The following PLAA variants were observed in gnomAD, a reference collection of about 807,000 sequenced individuals.
The protein encoded by PLAA is phospholipase A-2-activating protein.
Under a neutral mutation model 84.1 loss-of-function variants are expected in PLAA, and 48 were observed. The observed-to-expected ratio is 0.57, with a 90% confidence interval of 0.45 to 0.73. The LOEUF (loss-of-function observed/expected upper bound fraction) is 0.73, where lower values mean the gene tolerates loss of function less well. Among genes scored for constraint, PLAA ranks in the 30% least tolerant of loss-of-function variants. The probability of loss-of-function intolerance (pLI) is 0.00; values close to 1 mark genes in which losing one functional copy is unlikely to be tolerated. For missense variants in PLAA, 903 were observed against 954.7 expected, an observed-to-expected ratio of 0.95 and a Z score of 0.71; for synonymous variants, 392 against 336.6, an observed-to-expected ratio of 1.16 and a Z score of -1.80.
intron 10 of PLAA, among the ~76,000 whole-genome samples, chr9:26,914,339 G>A (rs1453438741): frequency 6.6e-6 from 1 of 152,076 alleles, no homozygotes; most frequent in Non-Finnish European, 1.5e-5. Flanking sequence ...CAACAGCCCA[G>A]TCACATTTTA....
intron 10 of PLAA, chr9:26,916,584 T>A (rs1463103443): frequency 1.0e-6 from 1 of 987,028 alleles, no homozygotes; most frequent in Non-Finnish European, 1.2e-6. Context: ...TGGGGAGACT[T>A]CTTGATTGTA....
chr9:26,929,183 C>T lies in PLAA; in HGVS notation c.344-775G>A, dbSNP rs149600169. Among the ~76,000 whole-genome samples, 31 of 151,840 alleles carry T rather than the reference C, an allele frequency of 2.0e-4. No individual in the cohort carries two copies. The South Asian group carries it at 6.2e-3, about 31-fold the overall frequency. ...ACCACTGCACTTCACGCCTGGGTGA[C>T]ACAGCAAGATTCTGTCTTTAAAAAA... On this transcript the variant is annotated intron_variant, in intron 2 of 13. Coordinates refer to ENST00000397292, the MANE Select transcript of PLAA (RefSeq NM_001031689.3).
At chr9:26,918,111 A>T (rs544986902) in intron 9 of PLAA, among the ~76,000 whole-genome samples, 70 of 149,794 alleles carry the variant, frequency 4.7e-4, no homozygotes, top group South Asian at 3.5e-3. Flanking sequence ...AATTTTTTTT[A>T]AAATTTTTTG....
At chr9:26,912,046 A>G (rs1236706993) in intron 11 of PLAA, among the ~76,000 whole-genome samples, 1 of 152,208 alleles carries the variant, frequency 6.6e-6, no homozygotes, top group Non-Finnish European at 1.5e-5. Context: ...TATCATCCAA[A>G]TAAGTATAAT....
intron 11 of PLAA, among the ~76,000 whole-genome samples, chr9:26,913,498 A>G (rs1824456968): frequency 6.6e-6 from 1 of 152,238 alleles, no homozygotes; most frequent in African/African-American, 2.4e-5. Flanking sequence ...GATGAGAATA[A>G]ACACAGACTT....
rs1824715798 is a variant in PLAA, at chr9:26,920,222, C to T, written c.1197+5G>A. On this transcript the variant is annotated splice_donor_5th_base_variant and intron_variant, in intron 8 of 13. Coordinates refer to ENST00000397292, the MANE Select transcript of PLAA (RefSeq NM_001031689.3). ...ATAGTAATTAGAAAGTAGAAGTCGA[C>T]ATACTTTCCCTTCATATAAAACTTT... The T allele has an allele frequency of 6.2e-7, 1 of 1,610,536 alleles. No homozygotes were observed. Among genetic ancestry groups the T allele is most frequent in the Non-Finnish European group, 8.5e-7 (1 of 1,177,150 alleles).
intron 1 of PLAA, among the ~76,000 whole-genome samples, chr9:26,939,783 A>G (rs1164708770): frequency 6.6e-6 from 1 of 152,040 alleles, no homozygotes; most frequent in African/African-American, 2.4e-5. Context: ...ACCTTAAATC[A>G]AAAAAAGAAA....
At chr9:26,940,079 C>T (rs1825484011) in intron 1 of PLAA, among the ~76,000 whole-genome samples, 1 of 152,044 alleles carries the variant, frequency 6.6e-6, no homozygotes, top group African/African-American at 2.4e-5. Context: ...AAGACACCTG[C>T]TACAGAAAAA....
rs780024541 is a variant in PLAA, at chr9:26,935,172, T to C, written c.184A>G (p.Ser62Gly). The change falls in exon 2 of 14, where the codon AGT (serine) becomes GGT (glycine). Residue 62 changes from serine (S) to glycine (G), a missense_variant. By Grantham distance (56) the Ser-to-Gly change is moderately conservative. Coordinates refer to ENST00000397292, the MANE Select transcript of PLAA (RefSeq NM_001031689.3). ...NRSFTEMHCM[S>G]GHSNFVSCVC... is the part of the protein sequence containing the mutation. ...CAAGATACAAAATTGGAATGGCCAC[T>C]CATACAGTGCATTTCTGTAAAGCTC... is the stretch of plus-strand genomic sequence containing the variant. 3.8e-6 allele frequency: 6 copies of C among 1,594,480 alleles called. No individual in the cohort carries two copies. The highest frequency in any genetic ancestry group is 3.5e-5 in the South Asian group (3 of 86,524).
intron 9 of PLAA, 50 bp downstream of exon 9, chr9:26,919,256 AAATC>A (rs1824673826): frequency 8.8e-7 from 1 of 1,130,020 alleles, no homozygotes; most frequent in East Asian, 2.4e-5. Context: ...AACATCAAAA[AAATC>A]AATCAACACT....
At chr9:26,929,142 T>C (rs1231977551) in intron 2 of PLAA, among the ~76,000 whole-genome samples, 1 of 152,052 alleles carries the variant, frequency 6.6e-6, no homozygotes, top group African/African-American at 2.4e-5. Context: ...GAGGTTGCAG[T>C]GAGCTGTGAT....
chr9:26,928,068 G>A (rs1825036598), intron 4 of PLAA, 32 bp downstream of exon 4: 2 of 1,571,988 alleles, frequency 1.3e-6, no homozygotes, highest in African/African-American at 2.8e-5. Flanking sequence ...AAAAAGCAAT[G>A]ATATTATAAA....
chr9:26,937,103 C>T (rs959095838), intron 1 of PLAA, among the ~76,000 whole-genome samples: 2 of 151,902 alleles, frequency 1.3e-5, no homozygotes, highest in East Asian at 1.9e-4. Flanking sequence ...ATTGCGCCAT[C>T]GCACTCCAGC....
rs370728877 is a variant in PLAA at position 26,923,305 on chromosome 9, T to C, written c.912A>G (p.Thr304=). The C allele has an allele frequency of 1.5e-4, 245 of 1,613,374 alleles. No individual in the cohort carries two copies. Among genetic ancestry groups the C allele is most frequent in the Middle Eastern group, 1.6e-4 (1 of 6,082 alleles). The change falls in exon 7 of 14, where the codon ACA becomes ACG. Residue 304 remains threonine (T), a synonymous_variant. Coordinates refer to ENST00000397292, the MANE Select transcript of PLAA (RefSeq NM_001031689.3). ...IRVFTESEDR[T]ASAEEIKAFE... ...AAGCCTTGATTTCTTCAGCACTTGC[T>C]GTTCGATCTTCTGATTCTGTAAACA...
Position 26,947,003 on chromosome 9 carries a change from G to A in PLAA, c.43C>T (p.Arg15Trp), listed in dbSNP as rs1204957198. The A allele has an allele frequency of 1.3e-6, 2 of 1,594,002 alleles. No individual in the cohort carries two copies. Among genetic ancestry groups the A allele is most frequent in the Non-Finnish European group, 1.7e-6 (2 of 1,171,082 alleles). The change falls in exon 1 of 14, where the codon CGG (arginine) becomes TGG (tryptophan). Residue 15 changes from arginine (R) to tryptophan (W), a missense_variant. Transcript: ENST00000397292. ...CCCCGTACGTCCAGCTCGTGGCCCCGGAGCGAGCAGCTCAGCCGGTACCTG... is the reference window on the plus strand; with the variant it reads ...CCCCGTACGTCCAGCTCGTGGCCCCAGAGCGAGCAGCTCAGCCGGTACCTG... ...ATRYRLSCSL[R>W]GHELDVRGLV...
chr9:26,943,184 A>G (rs949036758), intron 1 of PLAA, among the ~76,000 whole-genome samples: 1 of 152,178 alleles, frequency 6.6e-6, no homozygotes, highest in African/African-American at 2.4e-5. Flanking sequence ...GCTAGCTTAT[A>G]GAGACCTGAA....
At chr9:26,913,237 G>A (rs573572194) in intron 11 of PLAA, among the ~76,000 whole-genome samples, 1 of 152,060 alleles carries the variant, frequency 6.6e-6, no homozygotes, top group Non-Finnish European at 1.5e-5. Context: ...TGAAAGAGAT[G>A]AACCACAAAT....
At chr9:26,918,255 G>A (rs933666172) in intron 9 of PLAA, among the ~76,000 whole-genome samples, 18 of 151,220 alleles carry the variant, frequency 1.2e-4, no homozygotes, top group African/African-American at 4.1e-4. Context: ...GGGATTACAG[G>A]CGCACATCCA....
chr9:26,945,977 C>G (rs1825688407), intron 1 of PLAA, among the ~76,000 whole-genome samples: 1 of 152,160 alleles, frequency 6.6e-6, no homozygotes, highest in East Asian at 1.9e-4. Context: ...CTATCTTCCC[C>G]ATCAGACTGT....
Sources: gnomAD v4.1 joint callset for allele counts (sites outside exome capture counted in the v4.1 genomes callset) on GRCh38, gnomAD v4.1.1 for gene constraint, MANE v1.5 for transcripts, NCBI Gene and HGNC (gene_info 2026-07-23, HGNC 2026-07-21) for gene names.